The following ARID1B variants were observed in gnomAD, a reference collection of about 807,000 sequenced individuals.
ARID1B encodes AT-rich interaction domain 1B, also known as AT-rich interactive domain-containing protein 1B.
ARID1B carries 30 observed loss-of-function variants against 212.3 expected under a neutral mutation model. The observed-to-expected ratio is 0.14, with a 90% CI of 0.11 to 0.19. The LOEUF is 0.19. Ranked by LOEUF, ARID1B falls within the 10% of genes least tolerant of loss-of-function variation. The pLI is 1.00. For synonymous variants in ARID1B, 1,402 were observed against 1,301.7 expected (o/e 1.08, Z -1.66); for missense variants, 2,891 against 3,204.0 (o/e 0.90, Z 2.36).
At chr6:156,954,322 TTATGGTTCTGGA>T (rs1793799929) in intron 4 of ARID1B, among the ~76,000 whole-genome samples, 1 of 152,188 alleles carries the variant, frequency 6.6e-6, no homozygotes, top group African/African-American at 2.4e-5. Context: ...GAAGGACAGT[TTATGGTTCTGGA>T]GAACTGTTGG....
chr6:156,813,031 C>CAT lies in ARID1B; in HGVS notation c.1792-16186_1792-16185dup, dbSNP rs11372443. On this transcript the variant is annotated intron_variant, in intron 1 of 19. Transcript: ENST00000636930. The stretch of plus-strand genomic sequence containing the variant: ...ATATATACACATACGTATGTATATA[C>CAT]ATATATATATACACATACGTATGTA... Among the ~76,000 whole-genome samples the CAT allele has an allele frequency of 8.2e-4, 59 of 71,672 alleles. 1 individual carries two copies. The highest frequency in any genetic ancestry group is 2.3e-3 in the Admixed American group (12 of 5,166). 47.0% of individuals were successfully genotyped at this position (71,672 alleles called of 152,430 possible).
chr6:157,161,425 G>GTATATATATATATA (rs768153706), intron 8 of ARID1B, among the ~76,000 whole-genome samples: 4 of 124,360 alleles, frequency 3.2e-5, no homozygotes, highest in African/African-American at 1.0e-4. Flanking sequence ...TTTTGATTGT[G>GTATATATATATATA]TGTGTGTATA....
intron 3 of ARID1B, among the ~76,000 whole-genome samples, chr6:156,908,360 T>G (rs1265880796): frequency 1.3e-5 from 2 of 152,234 alleles, no homozygotes; most frequent in African/African-American, 2.4e-5. Context: ...GTAATAGCCT[T>G]TATTACTTTA....
chr6:156,827,228 A>G (rs1032164417), intron 1 of ARID1B, among the ~76,000 whole-genome samples: 2 of 152,192 alleles, frequency 1.3e-5, no homozygotes, highest in Non-Finnish European at 2.9e-5. Context: ...ATTTCATATC[A>G]GAGCCTCAAG....
chr6:157,206,617 A>G lies in ARID1B; in HGVS notation c.5845A>G (p.Thr1949Ala), dbSNP rs1489411042. The change falls in exon 20 of 20, where the codon ACC becomes GCC. Residue 1949 changes from threonine to alanine, a missense_variant. Physicochemically the swap from Thr to Ala is moderately conservative, Grantham distance 58. Around this residue, in one of 7 missense-constraint regions of ARID1B, gnomAD observed 332 missense variants for 369.2 expected, o/e 0.90. Transcript: ENST00000636930. The surrounding 1 kb of genome is among the most constrained non-coding windows in gnomAD (Gnocchi z 6.8). ...LLHWQLGGGD[T>A]TEHIQTHFES... ...GCACTGGCAGCTCGGCGGGGGTGAC[A>G]CCACCGAGCACATTCAGACTCACTT... The G allele has an allele frequency of 6.2e-7, 1 of 1,613,970 alleles. No individual in the cohort carries two copies. The highest frequency in any genetic ancestry group is 8.5e-7 in the Non-Finnish European group (1 of 1,180,020).
intron 2 of ARID1B, among the ~76,000 whole-genome samples, chr6:156,859,776 A>C (rs1785195443): frequency 6.6e-6 from 1 of 152,316 alleles, no homozygotes; most frequent in Middle Eastern, 3.4e-3. Context: ...CCTGGTCTAA[A>C]TGTGCTTGAA....
chr6:157,190,538 A>T lies in ARID1B; in HGVS notation c.4231+328A>T, dbSNP rs1044179774. Among the ~76,000 whole-genome samples, 2 of 152,254 alleles carry T rather than the reference A, an allele frequency of 1.3e-5. No individual in the cohort carries two copies. The highest frequency in any genetic ancestry group is 4.8e-5 in the African/African-American group (2 of 41,470). ...AATAATAGGACCCGCTTCCAAAGGC[A>T]TGGCGAGGATTAAGTTCCTGCAACA... On this transcript the variant is annotated intron_variant, in intron 15 of 19. Transcript: ENST00000636930. The surrounding 1 kb of genome is among the most constrained non-coding windows in gnomAD (Gnocchi z 4.6).
chr6:156,975,968 G>A (rs1045476887), intron 4 of ARID1B, among the ~76,000 whole-genome samples: 2 of 152,078 alleles, frequency 1.3e-5, no homozygotes, highest in African/African-American at 4.8e-5. Flanking sequence ...TTTTTTGTGG[G>A]CAGGGGGAGG....
chr6:157,082,139 C>T (rs1008572028), intron 4 of ARID1B, among the ~76,000 whole-genome samples: 1 of 152,066 alleles, frequency 6.6e-6, no homozygotes, highest in Non-Finnish European at 1.5e-5. Flanking sequence ...GATGTAGTAA[C>T]GGAGTAAGTT....
chr6:156,968,520 C>T (rs1794926310), intron 4 of ARID1B, among the ~76,000 whole-genome samples: 1 of 152,208 alleles, frequency 6.6e-6, no homozygotes, highest in African/African-American at 2.4e-5. Context: ...TCGTCTTTTT[C>T]ATGCTCTCTG....
At chr6:157,188,584 G>A (rs1224564263) in intron 13 of ARID1B, among the ~76,000 whole-genome samples, 1 of 152,170 alleles carries the variant, frequency 6.6e-6, no homozygotes, top group Non-Finnish European at 1.5e-5. Context: ...CATGGAAAAC[G>A]TTATTCACAA....
chr6:156,818,426 C>T (rs1782125840), intron 1 of ARID1B, among the ~76,000 whole-genome samples: 1 of 152,074 alleles, frequency 6.6e-6, no homozygotes, highest in Non-Finnish European at 1.5e-5. Flanking sequence ...TGGAAAGAGG[C>T]ATGGTAGCAA....
chr6:156,941,380 A>G (rs1005213381), intron 4 of ARID1B: 3 of 152,174 alleles, frequency 2.0e-5, no homozygotes, highest in African/African-American at 7.2e-5. Context: ...TGTCTTGGGG[A>G]AGTTTTAAAG....
intron 2 of ARID1B, among the ~76,000 whole-genome samples, chr6:156,863,726 A>C (rs973820387): frequency 6.6e-6 from 1 of 152,188 alleles, no homozygotes; most frequent in African/African-American, 2.4e-5. Flanking sequence ...TGAATACTCC[A>C]GTTCTGTGTC....
intron 2 of ARID1B, among the ~76,000 whole-genome samples, chr6:156,861,073 G>A (rs1376214345): frequency 1.3e-5 from 2 of 152,204 alleles, no homozygotes; most frequent in Non-Finnish European, 2.9e-5. Flanking sequence ...GTAGAGCCGA[G>A]ACGGAGAGGT....
chr6:157,061,324 G>A (rs75151394), intron 4 of ARID1B, among the ~76,000 whole-genome samples: 2,905 of 152,206 alleles, frequency 0.019, 106 homozygotes, highest in African/African-American at 0.066. Context: ...ATCTCAAAGC[G>A]GTGAAGATAG....
intron 5 of ARID1B, among the ~76,000 whole-genome samples, chr6:157,098,375 G>A (rs191580217): frequency 1.6e-4 from 25 of 152,212 alleles, no homozygotes; most frequent in Middle Eastern, 3.4e-3. Context: ...CCGGGCTAGC[G>A]ATGCCATACC....
chr6:156,778,537 C>G lies in ARID1B; in HGVS notation c.857C>G (p.Pro286Arg), dbSNP rs1196535319. 2 of 1,222,020 alleles carry G rather than the reference C, an allele frequency of 1.6e-6. No homozygotes were observed. Among genetic ancestry groups the G allele is most frequent in the African/African-American group, 1.6e-5 (1 of 62,630 alleles). 75.7% of individuals were successfully genotyped at this position (1,222,020 alleles called of 1,614,324 possible). Residue 286 changes from proline (P) to arginine (R), a missense_variant, in exon 1 of 20, where the codon CCG becomes CGG. Physicochemically the swap from Pro to Arg is moderately radical, Grantham distance 103. Transcript: ENST00000636930. ...GEPAGGRYEH[P>R]GLGALGTQQP... ...CCGGCGGGCGGCCGCTACGAGCACCCGGGCTTGGGCGCCCTGGGCACGCAG... is the reference window on the plus strand; with the variant it reads ...CCGGCGGGCGGCCGCTACGAGCACCGGGGCTTGGGCGCCCTGGGCACGCAG...
At chr6:157,025,328 G>C (rs1780589593) in intron 4 of ARID1B, among the ~76,000 whole-genome samples, 1 of 152,254 alleles carries the variant, frequency 6.6e-6, no homozygotes, top group African/African-American at 2.4e-5. Flanking sequence ...TGGACAAGAT[G>C]AAAGTTTTCT....
Sources: gnomAD v4.1 joint callset for allele counts (sites outside exome capture counted in the v4.1 genomes callset) on GRCh38, gnomAD v4.1.1 for gene constraint, gnomAD v4.1.1 regional missense constraint, Gnocchi (gnomAD v3.1) non-coding constraint, MANE v1.5 for transcripts, NCBI Gene and HGNC (gene_info 2026-07-23, HGNC 2026-07-21) for gene names.